The following TRABD2B variants were observed in gnomAD, a reference collection of about 807,000 sequenced individuals.
TRABD2B encodes the protein metalloprotease TIKI2.
Under a neutral mutation model 40.1 loss-of-function variants are expected in TRABD2B, and 14 were observed. The observed-to-expected ratio is 0.35, with a 90% CI of 0.23 to 0.55. The LOEUF (loss-of-function observed/expected upper bound fraction) is 0.55, where lower values mean the gene tolerates loss of function less well. TRABD2B is among the 20% of genes least tolerant of loss of function. TRABD2B has a pLI of 0.90. For missense variants in TRABD2B, 541 were observed against 648.6 expected (o/e 0.83, Z 1.80); for synonymous variants, 263 against 277.0 (o/e 0.95, Z 0.50).
intron 2 of TRABD2B, among the ~76,000 whole-genome samples, chr1:47,923,884 C>A (rs532412241): frequency 6.6e-6 from 1 of 150,420 alleles, no homozygotes; most frequent in African/African-American, 2.5e-5. Context: ...AAATCAATCT[C>A]TCTCTCTCAC....
intron 4 of TRABD2B, among the ~76,000 whole-genome samples, chr1:47,786,369 T>C (rs748335): frequency 0.62 from 94,022 of 152,126 alleles, 29,272 homozygotes; most frequent in East Asian, 0.78. Context: ...CCCTGGGATC[T>C]GTCCTGGGGT....
intron 2 of TRABD2B, among the ~76,000 whole-genome samples, chr1:47,836,092 T>C (rs12033328): frequency 0.044 from 6,689 of 152,256 alleles, 335 homozygotes; most frequent in East Asian, 0.21. Context: ...ATTAAGTTGA[T>C]ATTAATATGA....
rs189659843 is a variant in TRABD2B at position 47,851,558 on chromosome 1, T to C, written c.667-49939A>G. On this transcript the variant is annotated intron_variant, in intron 2 of 6. Coordinates refer to ENST00000606738, the MANE Select transcript of TRABD2B (RefSeq NM_001194986.2). ...GAAATTTAGATCTTCTTTTGAGTTA[T>C]ACTGGAGCTGAAGAAATGTCAGAGA... Among the ~76,000 whole-genome samples the C allele has an allele frequency of 9.8e-5, 15 of 152,348 alleles. No individual in the cohort carries two copies. The East Asian group carries it at 1.3e-3, about 14-fold the overall frequency.
At chr1:47,814,408 T>A (rs547452808) in intron 2 of TRABD2B, among the ~76,000 whole-genome samples, 1 of 152,236 alleles carries the variant, frequency 6.6e-6, no homozygotes, top group Non-Finnish European at 1.5e-5. Context: ...GGACACTGAC[T>A]GTAGCAGGAG....
chr1:47,849,243 A>G (rs1292383191), intron 2 of TRABD2B, among the ~76,000 whole-genome samples: 1 of 152,232 alleles, frequency 6.6e-6, no homozygotes, highest in Non-Finnish European at 1.5e-5. Flanking sequence ...CCCTAATCCA[A>G]TCTGACTGTT....
At chr1:47,883,267 T>A (rs902144134) in intron 2 of TRABD2B, among the ~76,000 whole-genome samples, 1 of 152,210 alleles carries the variant, frequency 6.6e-6, no homozygotes, top group Non-Finnish European at 1.5e-5. Context: ...GTCAGGCTTC[T>A]CCCAGAGCCC....
At chr1:47,794,790 G>GTT (rs555844964) in intron 3 of TRABD2B, 30 bp from the exon 4 acceptor site, 100,655 of 1,083,256 alleles carry the variant, frequency 0.093, 9 homozygotes, top group Non-Finnish European at 0.099. Context: ...GCTGCCTTCA[G>GTT]TTTTTTTTTT....
At chr1:47,886,485 G>A (rs942075122) in intron 2 of TRABD2B, among the ~76,000 whole-genome samples, 13 of 151,928 alleles carry the variant, frequency 8.6e-5, no homozygotes, top group African/African-American at 3.1e-4. Context: ...ATAGTCTCTG[G>A]GCTTTGCACA....
intron 2 of TRABD2B, among the ~76,000 whole-genome samples, chr1:47,986,842 C>T (rs1037924268): frequency 6.6e-6 from 1 of 152,198 alleles, no homozygotes; most frequent in Non-Finnish European, 1.5e-5. Flanking sequence ...AGGAGCTGCT[C>T]GGCGAGACGG....
intron 2 of TRABD2B, among the ~76,000 whole-genome samples, chr1:47,983,262 C>T (rs949056600): frequency 6.6e-6 from 1 of 152,118 alleles, no homozygotes; most frequent in Non-Finnish European, 1.5e-5. Context: ...TTCTCACTTC[C>T]AAGTGGGAGC....
rs150674672 is a variant in TRABD2B, at chr1:47,844,679, G to A, written c.667-43060C>T. Among the ~76,000 whole-genome samples, 107 of 152,316 alleles carry A rather than the reference G, an allele frequency of 7.0e-4. 1 individual carries two copies. Among genetic ancestry groups the A allele is most frequent in the African/African-American group, 2.4e-3 (100 of 41,572 alleles). On this transcript the variant is annotated intron_variant, in intron 2 of 6. Transcript: ENST00000606738. ...AAAGCATAAAGTGATGTGAGTCCCG[G>A]AGAGGGAATGATGGATTCAGGAACA...
intron 2 of TRABD2B, among the ~76,000 whole-genome samples, chr1:47,874,465 G>C (rs1362492913): frequency 6.7e-6 from 1 of 149,294 alleles, no homozygotes; most frequent in African/African-American, 2.5e-5. Context: ...GTAGAGACGG[G>C]GTTTCACCTT....
chr1:47,771,143 T>C (rs1644372537), intron 6 of TRABD2B, among the ~76,000 whole-genome samples: 1 of 152,152 alleles, frequency 6.6e-6, no homozygotes, highest in African/African-American at 2.4e-5. Context: ...ACTCTGCCCA[T>C]CTCGAACCAT....
intron 2 of TRABD2B, among the ~76,000 whole-genome samples, chr1:47,827,451 G>C (rs138849935): frequency 6.6e-6 from 1 of 152,284 alleles, no homozygotes; most frequent in East Asian, 1.9e-4. Flanking sequence ...TAAATTGCTG[G>C]GACATGAAAC....
intron 2 of TRABD2B, among the ~76,000 whole-genome samples, chr1:47,831,668 C>A (rs576596404): frequency 6.6e-6 from 1 of 152,110 alleles, no homozygotes; most frequent in Admixed American, 6.5e-5. Flanking sequence ...AAGTCGAAGC[C>A]GTGGAGGATG....
intron 2 of TRABD2B, among the ~76,000 whole-genome samples, chr1:47,834,176 T>C (rs557824299): frequency 7.9e-5 from 12 of 152,372 alleles, no homozygotes; most frequent in African/African-American, 2.9e-4. Context: ...CTGTATTTGA[T>C]CTGACCTAAA....
intron 4 of TRABD2B, among the ~76,000 whole-genome samples, chr1:47,790,078 TCAAA>T (rs1346295262): frequency 7.2e-5 from 11 of 152,334 alleles, no homozygotes; most frequent in African/African-American, 2.6e-4. Flanking sequence ...TATTTTAACT[TCAAA>T]CACAGTTGAA....
At chr1:47,769,794 G>C (rs767379786) in intron 6 of TRABD2B, among the ~76,000 whole-genome samples, 2 of 152,262 alleles carry the variant, frequency 1.3e-5, no homozygotes, top group Admixed American at 6.5e-5. Flanking sequence ...CAGAAGCCTG[G>C]CTCTAGCCTG....
intron 2 of TRABD2B, among the ~76,000 whole-genome samples, chr1:47,858,755 G>C (rs1321255560): frequency 6.6e-6 from 1 of 152,228 alleles, no homozygotes; most frequent in Non-Finnish European, 1.5e-5. Context: ...TAGGCAGCCA[G>C]TGTTGCTGTC....
Sources: allele counts gnomAD v4.1 joint callset (sites outside exome capture counted in the v4.1 genomes callset), GRCh38; gene constraint gnomAD v4.1.1; transcripts MANE v1.5; gene names NCBI Gene and HGNC (gene_info 2026-07-23, HGNC 2026-07-21).